The following HMCN2 variants were observed in gnomAD, a reference collection of about 807,000 sequenced individuals.
The protein encoded by HMCN2 is hemicentin 2, also known as hemicentin-2.
Under a neutral mutation model 377.5 loss-of-function variants are expected in HMCN2, and 325 were observed. That is an observed-to-expected ratio of 0.86 (90% CI 0.79 to 0.94). The LOEUF is 0.94. Among genes scored for constraint, HMCN2 ranks in the 40% least tolerant of loss-of-function variants. HMCN2 has a pLI of 0.00. For synonymous variants in HMCN2, 2,007 were observed against 2,046.8 expected (o/e 0.98, Z 0.53); for missense variants, 4,543 against 4,725.3 (o/e 0.96, Z 1.13).
At chr9:130,338,916 T>C (rs1838903215) in intron 23 of HMCN2, among the ~76,000 whole-genome samples, 1 of 152,218 alleles carries the variant, frequency 6.6e-6, no homozygotes, top group Admixed American at 6.5e-5. Flanking sequence ...TGGCCAGACG[T>C]AGTGGCTCAT....
intron 79 of HMCN2, 58 bp downstream of exon 79, chr9:130,403,386 G>A (rs568844824): frequency 8.6e-6 from 11 of 1,282,074 alleles, no homozygotes; most frequent in Admixed American, 2.3e-5. Context: ...GTCTGGGCAG[G>A]GGGGGAGTCC....
At chr9:130,406,245 C>T in intron 82 of HMCN2, 77 bp downstream of exon 82, 1 of 1,186,610 alleles carries the variant, frequency 8.4e-7, no homozygotes, top group Non-Finnish European at 1.1e-6. Context: ...GGTGGGGAGA[C>T]CCAACCTAGT....
rs148457464 is a variant in HMCN2 at position 130,273,808 on chromosome 9, G to A, written c.259+7671G>A. Among the ~76,000 whole-genome samples, 3 of 152,174 alleles carry A rather than the reference G, an allele frequency of 2.0e-5. No homozygotes were observed. In the East Asian group the frequency reaches 5.8e-4, roughly 30 times the overall value. ...CCTCCGCGCCCGGCCATCTTGTCTT[G>A]CTTTTGATTTTGCACCACTCATTGT... On this transcript the variant is annotated intron_variant, in intron 1 of 97. Transcript: ENST00000683500.
intron 29 of HMCN2, among the ~76,000 whole-genome samples, chr9:130,350,382 AAAATAC>A (rs1365991215): frequency 2.2e-5 from 3 of 139,404 alleles, no homozygotes; most frequent in African/African-American, 8.0e-5. Flanking sequence ...AAAATACAAA[AAAATAC>A]AAAAAAAAAA....
At chr9:130,326,283 C>A (rs1036912060) in intron 21 of HMCN2, among the ~76,000 whole-genome samples, 12 of 152,114 alleles carry the variant, frequency 7.9e-5, no homozygotes, top group African/African-American at 2.9e-4. Context: ...TCTGTCAGAT[C>A]TCAGCTCTCC....
At position 130,278,366 on chromosome 9, in the gene HMCN2, C is replaced by T. The variant is rs183493457; in HGVS notation, c.260-6237C>T. 1.8e-4 allele frequency among the ~76,000 whole-genome samples: 27 copies of T among 152,062 alleles called. No individual in the cohort carries two copies. In the South Asian group the frequency reaches 3.5e-3, roughly 20 times the overall value. ...GTCTTGATCTCCTGACCTCGTGATCCGCCCGTCTCGGCCTCCCAAAGTGCT... is the reference window on the plus strand; with the variant it reads ...GTCTTGATCTCCTGACCTCGTGATCTGCCCGTCTCGGCCTCCCAAAGTGCT... On this transcript the variant is annotated intron_variant, in intron 1 of 97. Coordinates refer to ENST00000683500, the MANE Select transcript of HMCN2 (RefSeq NM_001291815.2).
chr9:130,312,671 T>G (rs1421996083), intron 15 of HMCN2, among the ~76,000 whole-genome samples: 1 of 148,356 alleles, frequency 6.7e-6, no homozygotes, highest in Non-Finnish European at 1.5e-5. Context: ...TCTTTCTTTC[T>G]TTCCTTCTTT....
chr9:130,312,508 C>T (rs1430095945), intron 15 of HMCN2, among the ~76,000 whole-genome samples: 17,227 of 31,222 alleles, frequency 0.55, 3,504 homozygotes, highest in Non-Finnish European at 0.61. Flanking sequence ...TCTTTCTGTC[C>T]CTCCCTCCCT....
In HMCN2 at chr9:130,394,720, C is replaced by T. The variant is rs1167088757; in HGVS notation, c.10692+145C>T. ...GTGTGAGGGTGTGGAGGTGACCCAC[C>T]TTGGCCGTGCCCTTGGGAGCTGCCA... is the stretch of plus-strand genomic sequence containing the variant. On this transcript the variant is annotated intron_variant, in intron 69 of 97. Coordinates refer to ENST00000683500, the MANE Select transcript of HMCN2 (RefSeq NM_001291815.2). The surrounding 1 kb of genome is among the most constrained non-coding windows in gnomAD (Gnocchi z 5.1). The T allele has an allele frequency of 1.5e-6, 1 of 655,830 alleles. No homozygotes were observed. Among genetic ancestry groups the T allele is most frequent in the Non-Finnish European group, 2.2e-6 (1 of 453,272 alleles). The allele number at this position is 655,830 out of a possible 1,614,324, so 40.6% of individuals were successfully genotyped here. A position where few individuals can be genotyped will look rare whatever the true frequency, so the allele number is the denominator to read the frequency against.
intron 12 of HMCN2, among the ~76,000 whole-genome samples, chr9:130,306,531 G>T: frequency 6.7e-6 from 1 of 150,334 alleles, no homozygotes; most frequent in Non-Finnish European, 1.5e-5. Context: ...GTGGACCTGT[G>T]CCTGAGTCCC....
chr9:130,400,918 G>A lies in HMCN2; in HGVS notation c.11741G>A (p.Arg3914Gln), dbSNP rs1222348809. 7.0e-6 allele frequency: 9 copies of A among 1,288,980 alleles called. No individual in the cohort carries two copies. The highest frequency in any genetic ancestry group is 1.1e-4 in the East Asian group (2 of 17,960). The allele number at this position is 1,288,980 out of a possible 1,614,324, so 79.8% of individuals were successfully genotyped here. Residue 3914 changes from arginine to glutamine, a missense_variant, in exon 77 of 98, where the codon CGG becomes CAG. By Grantham distance (43) the Arg-to-Gln change is conservative (BLOSUM62 1). This residue lies in a region of HMCN2 where 1,073 missense variants were observed against 1,319.5 expected (regional missense o/e 0.81). Coordinates refer to ENST00000683500, the MANE Select transcript of HMCN2 (RefSeq NM_001291815.2). ...WSKAGAQLGA[R>Q]GSGYRVSPSG... ...AAGGCAGGCGCCCAGCTAGGAGCTC[G>A]GGGGAGTGGCTATCGTGTCTCACCA...
chr9:130,311,012 C>T (rs1370530971), intron 15 of HMCN2, among the ~76,000 whole-genome samples: 3 of 152,256 alleles, frequency 2.0e-5, no homozygotes, highest in African/African-American at 7.2e-5. Context: ...GTCCAAATTC[C>T]TTGGTGGCCA....
intron 46 of HMCN2, among the ~76,000 whole-genome samples, chr9:130,371,400 T>A (rs1243617719): frequency 1.4e-5 from 2 of 140,126 alleles, no homozygotes; most frequent in Admixed American, 1.5e-4. Flanking sequence ...GCAAAGGTTC[T>A]GATAAGTCCT....
chr9:130,353,441 G>A (rs1360052787), intron 31 of HMCN2, among the ~76,000 whole-genome samples: 11 of 152,310 alleles, frequency 7.2e-5, no homozygotes, highest in South Asian at 2.1e-4. Flanking sequence ...AGGCCATGGC[G>A]GAGCTAAGTG....
At chr9:130,359,811 C>A (rs1048932498) in intron 37 of HMCN2, among the ~76,000 whole-genome samples, 2 of 152,128 alleles carry the variant, frequency 1.3e-5, no homozygotes, top group African/African-American at 4.8e-5. Context: ...TTACGGTGGC[C>A]CAGGAGGAAG....
intron 30 of HMCN2, among the ~76,000 whole-genome samples, chr9:130,352,700 G>A (rs937410735): frequency 1.3e-5 from 2 of 152,106 alleles, no homozygotes; most frequent in African/African-American, 4.8e-5. Context: ...ATCCAAGCCT[G>A]TGGCCCCGCC....
intron 80 of HMCN2, 30 bp from the exon 81 acceptor site, chr9:130,404,839 G>T: frequency 8.3e-7 from 1 of 1,200,984 alleles, no homozygotes; most frequent in South Asian, 1.5e-5. Context: ...CCTGAGCCCC[G>T]GTTCCGAGTG....
chr9:130,424,772 C>G lies in HMCN2; in HGVS notation c.13382-4C>G. Reference sequence around the variant, plus strand: ...ACCCGGCCTCTATGCCCTGCCCCACCCAGGGCCTCTGATGCGGGTGCTCGT... The same window carrying G: ...ACCCGGCCTCTATGCCCTGCCCCACGCAGGGCCTCTGATGCGGGTGCTCGT... On this transcript the variant is annotated splice_region_variant and splice_polypyrimidine_tract_variant and intron_variant, in intron 87 of 97. Transcript: ENST00000683500. 6.5e-7 allele frequency: 1 copy of G among 1,534,406 alleles called. No homozygotes were observed. The highest frequency in any genetic ancestry group is 1.9e-4 in the Middle Eastern group (1 of 5,378).
intron 48 of HMCN2, among the ~76,000 whole-genome samples, chr9:130,374,199 A>C (rs1049354389): frequency 7.1e-6 from 1 of 141,842 alleles, no homozygotes. Context: ...GGATGGTTGG[A>C]TGGATGGATG....
Sources: allele counts gnomAD v4.1 joint callset (sites outside exome capture counted in the v4.1 genomes callset), GRCh38; gene constraint gnomAD v4.1.1; regional missense constraint gnomAD v4.1.1; non-coding constraint Gnocchi (gnomAD v3.1); transcripts MANE v1.5; gene names NCBI Gene and HGNC (gene_info 2026-07-23, HGNC 2026-07-21).